The following LAMA2 variants were observed in gnomAD, a reference collection of about 807,000 sequenced individuals.
LAMA2 encodes laminin subunit alpha 2, also known as laminin subunit alpha-2.
Under a neutral mutation model 364.8 loss-of-function variants are expected in LAMA2, and 269 were observed. The ratio of observed to expected loss-of-function variants is 0.74; its 90% confidence interval spans 0.67 to 0.82. The LOEUF (loss-of-function observed/expected upper bound fraction) is 0.82, where lower values mean the gene tolerates loss of function less well. LAMA2 is among the 40% of genes least tolerant of loss of function. LAMA2 has a pLI of 0.00. For synonymous variants in LAMA2, 1,379 were observed against 1,370.6 expected, an observed-to-expected ratio of 1.01 and a Z score of -0.14; for missense variants, 3,807 against 3,873.2, an observed-to-expected ratio of 0.98 and a Z score of 0.45.
At chr6:129,234,193 T>A (rs141943939) in intron 12 of LAMA2, among the ~76,000 whole-genome samples, 1 of 152,324 alleles carries the variant, frequency 6.6e-6, no homozygotes, top group East Asian at 1.9e-4. Flanking sequence ...TATCCATTGG[T>A]TTGCAAGGCC....
intron 56 of LAMA2, among the ~76,000 whole-genome samples, chr6:129,488,925 G>A (rs1021311750): frequency 2.6e-5 from 4 of 152,136 alleles, no homozygotes; most frequent in African/African-American, 9.7e-5. Context: ...GAATGTATGT[G>A]AGATCTGTAA....
At chr6:129,152,225 T>C (rs935581521) in intron 7 of LAMA2, among the ~76,000 whole-genome samples, 2 of 152,202 alleles carry the variant, frequency 1.3e-5, no homozygotes, top group African/African-American at 4.8e-5. Context: ...CAATGACATA[T>C]TATTTTTCAC....
Position 129,172,388 on chromosome 6 carries a change from C to T in LAMA2, c.1307-5318C>T, listed in dbSNP as rs899225611. Among the ~76,000 whole-genome samples the T allele has an allele frequency of 2.0e-5, 3 of 152,192 alleles. No individual in the cohort carries two copies. In the East Asian group the frequency reaches 5.8e-4, roughly 29 times the overall value. On this transcript the variant is annotated intron_variant, in intron 9 of 64. Coordinates refer to ENST00000421865, the MANE Select transcript of LAMA2 (RefSeq NM_000426.4). ...TCCTTTCTGTTTGTTAGTTTTCCTT[C>T]TAACAGACAGGAACCTCAGCTGCAG...
At chr6:129,502,900 A>C in intron 59 of LAMA2, 129 bp downstream of exon 59, 1 of 857,222 alleles carries the variant, frequency 1.2e-6, no homozygotes, top group Non-Finnish European at 1.9e-6. Context: ...ACTGAGTACA[A>C]TAGAGAATAG....
intron 41 of LAMA2, 72 bp downstream of exon 41, chr6:129,427,926 A>G (rs1781405546): frequency 1.4e-5 from 13 of 918,842 alleles, no homozygotes; most frequent in Non-Finnish European, 2.0e-5. Flanking sequence ...CTATCACACT[A>G]TTGGAGAATG....
At chr6:129,209,526 A>C (rs144132451) in intron 12 of LAMA2, among the ~76,000 whole-genome samples, 9 of 152,334 alleles carry the variant, frequency 5.9e-5, no homozygotes, top group African/African-American at 2.2e-4. Context: ...AGCAAGGATG[A>C]GGTTTGACTC....
At chr6:129,422,504 T>C (rs1470089774) in intron 40 of LAMA2, among the ~76,000 whole-genome samples, 1 of 152,014 alleles carries the variant, frequency 6.6e-6, no homozygotes, top group Non-Finnish European at 1.5e-5. Flanking sequence ...CAACTACCAA[T>C]ATCAGGAATA....
At chr6:129,054,084 C>T (rs1365359216) in intron 2 of LAMA2, among the ~76,000 whole-genome samples, 1 of 152,114 alleles carries the variant, frequency 6.6e-6, no homozygotes, top group African/African-American at 2.4e-5. Context: ...CAGCAGTCAG[C>T]AGAAAGTGTT....
intron 2 of LAMA2, among the ~76,000 whole-genome samples, chr6:129,059,202 C>A (rs12209961): frequency 6.6e-6 from 1 of 152,174 alleles, no homozygotes; most frequent in East Asian, 1.9e-4. Context: ...AATCAGCATA[C>A]CAGCATGCTA....
intron 19 of LAMA2, among the ~76,000 whole-genome samples, chr6:129,288,890 C>T (rs1316390964): frequency 6.6e-6 from 1 of 152,118 alleles, no homozygotes; most frequent in African/African-American, 2.4e-5. Context: ...TGAGACCAGC[C>T]TATCCATTCA....
At chr6:129,082,562 A>G (rs1583009223) in intron 3 of LAMA2, among the ~76,000 whole-genome samples, 1 of 152,140 alleles carries the variant, frequency 6.6e-6, no homozygotes, top group East Asian at 1.9e-4. Context: ...GAATGCACAT[A>G]AAGTATATTA....
chr6:129,429,211 A>G (rs1781472599), intron 41 of LAMA2, among the ~76,000 whole-genome samples: 7 of 152,192 alleles, frequency 4.6e-5, no homozygotes, highest in Admixed American at 4.6e-4. Flanking sequence ...TAGGCTTGTC[A>G]AACCACCACA....
rs187920878 is a variant in LAMA2, at chr6:129,026,088, T to G, written c.113-23830T>G. ...CATCAGTAAAATGCCCTTCACTTACTCTCCCTAGACATAGACTATTTTCCG... is the reference window on the plus strand; with the variant it reads ...CATCAGTAAAATGCCCTTCACTTACGCTCCCTAGACATAGACTATTTTCCG... On this transcript the variant is annotated intron_variant, in intron 1 of 64. Transcript: ENST00000421865. Among the ~76,000 whole-genome samples, 16 of 152,298 alleles carry G rather than the reference T, an allele frequency of 1.1e-4. No homozygotes were observed. The East Asian group carries it at 2.5e-3, about 24-fold the overall frequency.
intron 4 of LAMA2, among the ~76,000 whole-genome samples, chr6:129,122,879 G>A (rs1776878506): frequency 6.6e-6 from 1 of 152,014 alleles, no homozygotes; most frequent in Admixed American, 6.6e-5. Context: ...AAAAGGACGA[G>A]GCAATACCTT....
At chr6:129,472,858 T>C (rs1229088313) in intron 51 of LAMA2, among the ~76,000 whole-genome samples, 1 of 152,022 alleles carries the variant, frequency 6.6e-6, no homozygotes, top group Non-Finnish European at 1.5e-5. Context: ...CCTAATTAGA[T>C]ATCTTTGTTA....
chr6:129,259,070 G>A (rs577857604), intron 14 of LAMA2, among the ~76,000 whole-genome samples: 9 of 151,982 alleles, frequency 5.9e-5, no homozygotes, highest in Non-Finnish European at 1.0e-4. Context: ...GTGATTTCAG[G>A]GTTAATTTCC....
chr6:129,036,174 A>G (rs751983248), intron 1 of LAMA2, among the ~76,000 whole-genome samples: 2 of 152,024 alleles, frequency 1.3e-5, no homozygotes, highest in Non-Finnish European at 2.9e-5. Context: ...CAGTGTTTTG[A>G]AGAAATCATA....
chr6:129,367,572 G>C (rs1777845533), intron 33 of LAMA2, among the ~76,000 whole-genome samples: 2 of 152,156 alleles, frequency 1.3e-5, no homozygotes, highest in South Asian at 4.1e-4. Context: ...TAGTAGAGAA[G>C]TATTTGTTGC....
chr6:129,240,135 A>G (rs770777721), intron 12 of LAMA2, among the ~76,000 whole-genome samples: 10 of 152,220 alleles, frequency 6.6e-5, no homozygotes, highest in African/African-American at 1.9e-4. Flanking sequence ...AGCATCCGGC[A>G]TAGGAGAAAG....
Sources: gnomAD v4.1 joint callset for allele counts (sites outside exome capture counted in the v4.1 genomes callset) on GRCh38, gnomAD v4.1.1 for gene constraint, MANE v1.5 for transcripts, NCBI Gene and HGNC (gene_info 2026-07-23, HGNC 2026-07-21) for gene names.